Variants in FAM228B observed in about 807,000 individuals in gnomAD.
The protein encoded by FAM228B is family with sequence similarity 228 member B.
In FAM228B, 38 loss-of-function variants were observed where a neutral mutation model predicts 42.6. The observed-to-expected ratio is 0.89, with a 90% CI of 0.69 to 1.17. FAM228B has a LOEUF of 1.17. Among genes scored for constraint, FAM228B ranks in the 50% most tolerant of loss-of-function variants. The probability of loss-of-function intolerance (pLI) is 0.00; values close to 1 mark genes in which losing one functional copy is unlikely to be tolerated. For missense variants in FAM228B, 344 were observed against 367.3 expected (o/e 0.94, Z 0.52); for synonymous variants, 109 against 122.3 (o/e 0.89, Z 0.72).
chr2:24,083,290 G>A, intron 2 of FAM228B: 5 of 1,171,450 alleles, frequency 4.3e-6, no homozygotes, highest in African/African-American at 3.1e-5. Flanking sequence ...TGTAAGTAAG[G>A]AGAAGAAAAA....
chr2:24,084,205 C>G lies in FAM228B; in HGVS notation c.-210+3250C>G, dbSNP rs915031723. ...CCTGGGTACCTGCATTAAGTCCGCC[C>G]GGTTCAGGGCGCTGGCCGCCACCTT... On this transcript the variant is annotated intron_variant, in intron 2 of 10. Coordinates refer to the FAM228B transcript ENST00000613899. This position sits in a 1 kb window ranked among gnomAD's most constrained non-coding sequence, Gnocchi z 8.4. 3.1e-6 allele frequency: 5 copies of G among 1,613,024 alleles called. No individual in the cohort carries two copies. In the Admixed American group the frequency reaches 5.0e-5, roughly 16 times the overall value.
intron 2 of FAM228B, among the ~76,000 whole-genome samples, chr2:24,081,321 C>A (rs952819979): frequency 3.3e-5 from 5 of 152,178 alleles, no homozygotes; most frequent in Admixed American, 3.3e-4. Flanking sequence ...CTATAAGCAG[C>A]CACATCCATA....
Position 24,084,380 on chromosome 2 carries a change from G to GCAAGA in FAM228B, c.-210+3427_-210+3428insAGACA, listed in dbSNP as rs1558363232. On this transcript the variant is annotated intron_variant, in intron 2 of 10. Coordinates refer to the FAM228B transcript ENST00000613899. This position sits in a 1 kb window ranked among gnomAD's most constrained non-coding sequence, Gnocchi z 8.4. Reference sequence around the variant, plus strand: ...GCAGGACAGGACAGGGCAGGGCAGGGCAGGACAGGACAGGGCAGGGCAGGA... The same window carrying GCAAGA: ...GCAGGACAGGACAGGGCAGGGCAGGGCAAGACAGGACAGGACAGGGCAGGGCAGGA... 1 of 1,129,820 alleles carries GCAAGA rather than the reference G, an allele frequency of 8.9e-7. No homozygotes were observed. Among genetic ancestry groups the GCAAGA allele is most frequent in the Non-Finnish European group, 1.2e-6 (1 of 806,070 alleles). The allele number at this position is 1,129,820 out of a possible 1,614,324, so 70.0% of individuals were successfully genotyped here. A position where few individuals can be genotyped will look rare whatever the true frequency, so the allele number is the denominator to read the frequency against.
rs1666904245 is a variant in FAM228B at position 24,146,779 on chromosome 2, A to G, written c.473A>G (p.Lys158Arg). ...VTIPPFHDPL[K>R]KAQYDKDNEK... ...ATCCCACCATTTCATGACCCTTTGA[A>G]AAAAGCACAATATGACAAGGATAAC... is the stretch of plus-strand genomic sequence containing the variant. The change falls in exon 6 of 11, where the codon AAA (lysine) becomes AGA (arginine). Residue 158 changes from lysine to arginine, a missense_variant. By Grantham distance (26) the Lys-to-Arg change is conservative. Transcript: ENST00000615575. 1.3e-6 allele frequency: 2 copies of G among 1,550,296 alleles called. 1 individual carries two copies. The highest frequency in any genetic ancestry group is 1.7e-6 in the Non-Finnish European group (2 of 1,146,078).
chr2:24,137,872 G>T, intron 3 of FAM228B, 37 bp from the exon 4 acceptor site: 1 of 1,425,302 alleles, frequency 7.0e-7, no homozygotes, highest in South Asian at 1.4e-5. Flanking sequence ...GAAAGCTTTA[G>T]GATAATATAT....
In FAM228B at chr2:24,080,895, T is replaced by C; in HGVS notation, c.-270T>C. On this transcript the variant is annotated 5_prime_UTR_variant, in exon 2 of 11. Coordinates refer to the FAM228B transcript ENST00000613899. The surrounding 1 kb of genome is among the most constrained non-coding windows in gnomAD (Gnocchi z 4.7). ...ATCCAGCAGCTGCTCCAAGCTTTTC[T>C]GCCATTTGAAGCTTCTTCTGGGAGC... The C allele has an allele frequency of 6.2e-7, 1 of 1,614,248 alleles. No homozygotes were observed. Among genetic ancestry groups the C allele is most frequent in the Non-Finnish European group, 8.5e-7 (1 of 1,180,040 alleles).
At chr2:24,110,798 A>C (rs1011389414) in intron 3 of FAM228B, among the ~76,000 whole-genome samples, 1 of 152,146 alleles carries the variant, frequency 6.6e-6, no homozygotes, top group African/African-American at 2.4e-5. Context: ...GTCAGACAGA[A>C]GTGTGGGTAG....
chr2:24,083,713 TAA>T (rs1472224414), intron 2 of FAM228B, among the ~76,000 whole-genome samples: 1 of 152,180 alleles, frequency 6.6e-6, no homozygotes, highest in East Asian at 1.9e-4. Flanking sequence ...AGAAAATTCT[TAA>T]GAGTACTGCC....
At chr2:24,115,453 G>A (rs1421999314) in intron 3 of FAM228B, 1 of 708,504 alleles carries the variant, frequency 1.4e-6, no homozygotes, top group Non-Finnish European at 2.4e-6. Context: ...AATAAAAATT[G>A]CTCCCTTAAT....
In FAM228B at chr2:24,124,444, C is replaced by G; in HGVS notation, c.83C>G (p.Pro28Arg). 1 of 1,549,658 alleles carries G rather than the reference C, an allele frequency of 6.5e-7. No individual in the cohort carries two copies. Among genetic ancestry groups the G allele is most frequent in the Non-Finnish European group, 8.7e-7 (1 of 1,146,304 alleles). The change falls in exon 2 of 11, where the codon CCC (proline) becomes CGC (arginine). Residue 28 changes from proline (P) to arginine (R), a missense_variant. Transcript: ENST00000615575. ...KSSKEWLEPKPLCFMEVLAKE... is the reference protein window; with the variant it reads ...KSSKEWLEPKRLCFMEVLAKE... ...TCAAAAGAATGGTTGGAGCCCAAGCCCCTTTGTTTTATGGAGGTATATATC... is the reference window on the plus strand; with the variant it reads ...TCAAAAGAATGGTTGGAGCCCAAGCGCCTTTGTTTTATGGAGGTATATATC...
chr2:24,078,665 G>A (rs1419680721), intron 1 of FAM228B, among the ~76,000 whole-genome samples: 1 of 152,056 alleles, frequency 6.6e-6, no homozygotes, highest in African/African-American at 2.4e-5. Flanking sequence ...CTGAAGCCTG[G>A]AGTAAAATGT....
chr2:24,158,196 CTTTTTT>C (rs1322122366), intron 7 of FAM228B, among the ~76,000 whole-genome samples: 3 of 53,200 alleles, frequency 5.6e-5, no homozygotes, highest in African/African-American at 2.8e-4. Flanking sequence ...TCTGAACCTC[CTTTTTT>C]TTTTTTTTTT....
In FAM228B at chr2:24,080,808, C is replaced by A. The variant is rs752891061; in HGVS notation, c.-289-68C>A. ...TTAAATTCCTGCTGAACTGTAGAAG[C>A]AGTTGTTTACCTTTGGTGAATTTCA... On this transcript the variant is annotated intron_variant, in intron 1 of 10. Transcript: ENST00000613899. The surrounding 1 kb of genome is among the most constrained non-coding windows in gnomAD (Gnocchi z 4.7). 7 of 1,613,922 alleles carry A rather than the reference C, an allele frequency of 4.3e-6. No homozygotes were observed. The Admixed American group carries it at 5.0e-5, about 12-fold the overall frequency.
chr2:24,146,372 G>A (rs1666895659), intron 5 of FAM228B, among the ~76,000 whole-genome samples: 1 of 152,170 alleles, frequency 6.6e-6, no homozygotes, highest in African/African-American at 2.4e-5. Flanking sequence ...AGTAATGTTA[G>A]TTATGTTGTT....
intron 7 of FAM228B, among the ~76,000 whole-genome samples, chr2:24,157,062 A>T (rs573176228): frequency 1.3e-5 from 2 of 152,080 alleles, no homozygotes; most frequent in African/African-American, 2.4e-5. Context: ...TTAAATTTCT[A>T]TCTTGATTTC....
In FAM228B at chr2:24,138,004, T is replaced by G. The variant is rs1418286924; in HGVS notation, c.264T>G (p.Leu88=). ...GGGTTGACTGTGTGGCAGATCCTCT[T>G]CAGAAGAAAATTATAGAAAAAGTTT... ...KRWVDCVADP[L]QKKIIEKVCS... The change falls in exon 4 of 11, where the codon CTT becomes CTG. Residue 88 remains leucine (L), a synonymous_variant. Coordinates refer to ENST00000615575, the MANE Select transcript of FAM228B (RefSeq NM_001145710.2). 1 of 1,548,014 alleles carries G rather than the reference T, an allele frequency of 6.5e-7. No individual in the cohort carries two copies. The highest frequency in any genetic ancestry group is 8.7e-7 in the Non-Finnish European group (1 of 1,146,044).
rs756826462 is a variant in FAM228B, at chr2:24,084,355, GCAGGA to G, written c.-210+3410_-210+3414del. On this transcript the variant is annotated intron_variant, in intron 2 of 10. Coordinates refer to the FAM228B transcript ENST00000613899. This position sits in a 1 kb window ranked among gnomAD's most constrained non-coding sequence, Gnocchi z 8.4. ...GTCTGAGGACACAGGGCAGGGCAGG[GCAGGA>G]CAGGACAGGGCAGGGCAGGGCAGGA... 5 of 1,376,124 alleles carry G rather than the reference GCAGGA, an allele frequency of 3.6e-6. No individual in the cohort carries two copies. Among genetic ancestry groups the G allele is most frequent in the Admixed American group, 3.7e-5 (2 of 54,732 alleles). 85.2% of individuals were successfully genotyped at this position (1,376,124 alleles called of 1,614,324 possible). A position where few individuals can be genotyped will look rare whatever the true frequency, so the allele number is the denominator to read the frequency against.
intron 2 of FAM228B, 29 bp downstream of exon 2, chr2:24,124,489 G>T (rs1230961244): frequency 7.0e-7 from 1 of 1,435,934 alleles, no homozygotes; most frequent in African/African-American, 1.4e-5. Flanking sequence ...GGGATTTGGA[G>T]ATTTTTTTAC....
intron 1 of FAM228B, 73 bp from the exon 2 acceptor site, chr2:24,124,257 C>T: frequency 1.3e-6 from 1 of 749,510 alleles, no homozygotes; most frequent in South Asian, 1.9e-5. Context: ...TGTGCAAGGA[C>T]ACAGGTGGTA....
Sources: allele counts gnomAD v4.1 joint callset (sites outside exome capture counted in the v4.1 genomes callset), GRCh38; gene constraint gnomAD v4.1.1; non-coding constraint Gnocchi (gnomAD v3.1); transcripts MANE v1.5; gene names NCBI Gene and HGNC (gene_info 2026-07-23, HGNC 2026-07-21).